The following RFX4 variants were observed in gnomAD, a reference collection of about 807,000 sequenced individuals.
RFX4 encodes transcription factor RFX4.
In RFX4, 10 loss-of-function variants were observed where a neutral mutation model predicts 95.0. The ratio of observed to expected loss-of-function variants is 0.11; its 90% CI spans 0.06 to 0.18. RFX4 has a LOEUF of 0.18. Among genes scored for constraint, RFX4 ranks in the 10% least tolerant of loss-of-function variants. The pLI is 1.00. For synonymous variants in RFX4, 321 were observed against 340.7 expected, an observed-to-expected ratio of 0.94 and a Z score of 0.64; for missense variants, 640 against 922.0, an observed-to-expected ratio of 0.69 and a Z score of 3.96.
intron 13 of RFX4, among the ~76,000 whole-genome samples, chr12:106,730,066 A>G (rs899340127): frequency 2.0e-5 from 3 of 152,168 alleles, no homozygotes; most frequent in Non-Finnish European, 4.4e-5. Flanking sequence ...CTCTGTGGGA[A>G]CAAGGACAGG....
At chr12:106,671,905 G>T (rs540667876) in intron 4 of RFX4, among the ~76,000 whole-genome samples, 1 of 151,964 alleles carries the variant, frequency 6.6e-6, no homozygotes, top group Non-Finnish European at 1.5e-5. Flanking sequence ...CAGGCAATCC[G>T]CCCACCTCGG....
At chr12:106,743,886 A>G (rs1835358384) in intron 15 of RFX4, among the ~76,000 whole-genome samples, 1 of 152,192 alleles carries the variant, frequency 6.6e-6, no homozygotes, top group African/African-American at 2.4e-5. Context: ...TGGCTGGTTC[A>G]TTGTTCTCCC....
intron 11 of RFX4, among the ~76,000 whole-genome samples, chr12:106,718,392 A>G (rs2042333258): frequency 6.6e-6 from 1 of 152,216 alleles, no homozygotes; most frequent in Non-Finnish European, 1.5e-5. Context: ...TTGAGTCAGG[A>G]TGTGTTTGAA....
chr12:106,620,945 C>T (rs149472302), intron 2 of RFX4, among the ~76,000 whole-genome samples: 3 of 152,012 alleles, frequency 2.0e-5, no homozygotes, highest in Non-Finnish European at 4.4e-5. Flanking sequence ...AGGCTCTCTG[C>T]AAGAAGAAAA....
chr12:106,751,870 T>C (rs1184565675), intron 17 of RFX4, among the ~76,000 whole-genome samples: 4 of 151,042 alleles, frequency 2.6e-5, no homozygotes, highest in African/African-American at 9.7e-5. Flanking sequence ...GCGAAAATTT[T>C]CTCCCATTTT....
intron 2 of RFX4, among the ~76,000 whole-genome samples, chr12:106,612,824 C>A (rs112875588): frequency 3.3e-5 from 5 of 149,310 alleles, no homozygotes; most frequent in African/African-American, 9.9e-5. Flanking sequence ...GGTGACAGAG[C>A]GAGACTACGT....
chr12:106,652,173 T>C (rs1045236099), intron 3 of RFX4, among the ~76,000 whole-genome samples: 4 of 152,170 alleles, frequency 2.6e-5, no homozygotes, highest in Non-Finnish European at 4.4e-5. Flanking sequence ...AAGACATACA[T>C]CAGAATGTAA....
intron 4 of RFX4, among the ~76,000 whole-genome samples, chr12:106,679,813 GGGCTT>G (rs1472799226): frequency 6.6e-6 from 1 of 152,204 alleles, no homozygotes; most frequent in African/African-American, 2.4e-5. Flanking sequence ...AAAGTCTGAA[GGGCTT>G]GGCCACAGGT....
At chr12:106,611,169 T>G (rs1336582207) in intron 2 of RFX4, among the ~76,000 whole-genome samples, 1 of 152,222 alleles carries the variant, frequency 6.6e-6, no homozygotes, top group East Asian at 1.9e-4. Flanking sequence ...GGTTGTTTTC[T>G]GTTGTTTAGT....
chr12:106,613,419 A>G (rs1490935787), intron 2 of RFX4, among the ~76,000 whole-genome samples: 1 of 149,760 alleles, frequency 6.7e-6, no homozygotes, highest in South Asian at 2.1e-4. Flanking sequence ...CTGGAGTGCA[A>G]TGGCACAATC....
chr12:106,658,910 C>T (rs765724767), intron 4 of RFX4, among the ~76,000 whole-genome samples: 10 of 152,122 alleles, frequency 6.6e-5, no homozygotes, highest in South Asian at 2.1e-4. Context: ...CACTGCACAC[C>T]GAGTGTTACA....
intron 2 of RFX4, among the ~76,000 whole-genome samples, chr12:106,609,167 G>A (rs2039903804): frequency 6.6e-6 from 1 of 152,322 alleles, no homozygotes; most frequent in East Asian, 1.9e-4. Flanking sequence ...TTGTTATAGT[G>A]ACGCTCTAGG....
Position 106,711,214 on chromosome 12 carries a change from G to T in RFX4, c.935-239G>T, listed in dbSNP as rs372708645. Among the ~76,000 whole-genome samples the T allele has an allele frequency of 1.9e-3, 284 of 152,282 alleles. 1 individual carries two copies. Among genetic ancestry groups the T allele is most frequent in the African/African-American group, 6.3e-3 (262 of 41,570 alleles). On this transcript the variant is annotated intron_variant, in intron 9 of 17. Transcript: ENST00000392842. ...TTTCTCACACCTGCGAGTGTATCGT[G>T]TGCATGACTTTGAAATATGTACCCC...
chr12:106,602,587 A>G (rs775772749), intron 1 of RFX4, among the ~76,000 whole-genome samples: 1 of 152,138 alleles, frequency 6.6e-6, no homozygotes, highest in Admixed American at 6.6e-5. Flanking sequence ...GTCACTCTGC[A>G]TCAGCCACCT....
chr12:106,671,976 C>T (rs927623954), intron 4 of RFX4, among the ~76,000 whole-genome samples: 27 of 152,220 alleles, frequency 1.8e-4, no homozygotes, highest in Middle Eastern at 3.4e-3. Flanking sequence ...GTGTTGTTTT[C>T]TAAGACAAAA....
At chr12:106,624,738 C>G (rs2040256801) in intron 2 of RFX4, among the ~76,000 whole-genome samples, 1 of 152,166 alleles carries the variant, frequency 6.6e-6, no homozygotes, top group African/African-American at 2.4e-5. Context: ...CTATCTGGCT[C>G]TATGCAGAAA....
intron 2 of RFX4, among the ~76,000 whole-genome samples, chr12:106,619,685 A>C (rs12314294): frequency 0.33 from 50,320 of 151,972 alleles, 9,141 homozygotes; most frequent in African/African-American, 0.49. Flanking sequence ...CTCCCTCACT[A>C]TTCTCATCTT....
chr12:106,740,046 T>C (rs528302065), intron 15 of RFX4, among the ~76,000 whole-genome samples: 12 of 152,332 alleles, frequency 7.9e-5, no homozygotes, highest in Admixed American at 7.2e-4. Context: ...ATTTTAAGTA[T>C]TCCCTCCTTC....
chr12:106,696,077 A>AT (rs1486476100), intron 7 of RFX4, among the ~76,000 whole-genome samples: 1 of 152,220 alleles, frequency 6.6e-6, no homozygotes, highest in African/African-American at 2.4e-5. Flanking sequence ...AGCAGTGTGC[A>AT]TGTTGCATGC....
Sources: gnomAD v4.1 joint callset for allele counts (sites outside exome capture counted in the v4.1 genomes callset) on GRCh38, gnomAD v4.1.1 for gene constraint, MANE v1.5 for transcripts, NCBI Gene and HGNC (gene_info 2026-07-23, HGNC 2026-07-21) for gene names.